ITPK1: variants seen among roughly 807,000 people sequenced by gnomAD.
ITPK1 encodes inositol 1,3,4-trisphosphate 5/6-kinase.
ITPK1 carries 21 observed loss-of-function variants against 45.3 expected under a neutral mutation model. The observed-to-expected ratio is 0.46, with a 90% CI of 0.33 to 0.67. The LOEUF (loss-of-function observed/expected upper bound fraction) is 0.67, where lower values mean the gene tolerates loss of function less well. ITPK1 is among the 30% of genes least tolerant of loss of function. The pLI is 0.02. For missense variants in ITPK1, 474 were observed against 573.5 expected (o/e 0.83, Z 1.77); for synonymous variants, 258 against 253.6 (o/e 1.02, Z -0.16).
intron 5 of ITPK1, among the ~76,000 whole-genome samples, chr14:92,975,717 C>T (rs1313825978): frequency 3.9e-5 from 6 of 152,220 alleles, no homozygotes; most frequent in Admixed American, 3.9e-4. Context: ...CTTGGCCTCC[C>T]TGTTCAAGCT....
chr14:93,087,051 C>T (rs552949311), intron 2 of ITPK1, among the ~76,000 whole-genome samples: 2 of 152,350 alleles, frequency 1.3e-5, no homozygotes, highest in East Asian at 3.9e-4. Flanking sequence ...TAGGAGAAAA[C>T]TGTATTCACT....
At chr14:92,951,889 C>T (rs1278813050) in intron 9 of ITPK1, 57 bp downstream of exon 9, 4 of 1,396,332 alleles carry the variant, frequency 2.9e-6, no homozygotes, top group African/African-American at 2.9e-5. Context: ...CAGCAGCCCA[C>T]ACCTAGGCCC....
chr14:93,078,048 TATG>T (rs146685762), intron 2 of ITPK1, among the ~76,000 whole-genome samples: 1,577 of 152,250 alleles, frequency 0.01, 23 homozygotes, highest in African/African-American at 0.036. Context: ...CGTGCCCAAT[TATG>T]ATGCCCACCT....
rs1236054062 is a variant in ITPK1, at chr14:92,958,053, A to G, written c.670+148T>C. 1 of 756,536 alleles carries G rather than the reference A, an allele frequency of 1.3e-6. No homozygotes were observed. Among genetic ancestry groups the G allele is most frequent in the East Asian group, 2.6e-5 (1 of 39,034 alleles). 46.9% of individuals were successfully genotyped at this position (756,536 alleles called of 1,614,324 possible). On this transcript the variant is annotated intron_variant, in intron 8 of 10. Transcript: ENST00000267615. This position sits in a 1 kb window ranked among gnomAD's most constrained non-coding sequence, Gnocchi z 4.4. ...TCCCCAAGACCTCTTTATCCACCGT[A>G]CACAACTGTTTCCACCTTTAGAGCA...
intron 2 of ITPK1, among the ~76,000 whole-genome samples, chr14:93,085,464 C>T (rs563039207): frequency 2.5e-4 from 38 of 152,302 alleles, no homozygotes; most frequent in Non-Finnish European, 5.0e-4. Flanking sequence ...AGACCCAGAA[C>T]AGCTTCCAGG....
At chr14:93,111,380 C>T (rs1163206392) in intron 2 of ITPK1, among the ~76,000 whole-genome samples, 2 of 152,116 alleles carry the variant, frequency 1.3e-5, no homozygotes, top group Non-Finnish European at 2.9e-5. Context: ...CAACTAACAG[C>T]TTTAATTTCT....
In ITPK1 at chr14:93,093,965, C is replaced by A. The variant is rs964114126; in HGVS notation, c.96-17346G>T. Among the ~76,000 whole-genome samples, 4 of 152,368 alleles carry A rather than the reference C, an allele frequency of 2.6e-5. 1 individual carries two copies. The highest frequency in any genetic ancestry group is 2.6e-4 in the Admixed American group (4 of 15,304). On this transcript the variant is annotated intron_variant, in intron 2 of 10. Coordinates refer to ENST00000267615, the MANE Select transcript of ITPK1 (RefSeq NM_014216.6). ...AACCCGGCCTCAAAGGGATCCTCAC[C>A]CCGATTGCCAAGCTCCAGGTGGACT...
chr14:93,019,273 T>A (rs1370311608), intron 3 of ITPK1, among the ~76,000 whole-genome samples: 1 of 152,180 alleles, frequency 6.6e-6, no homozygotes, highest in Admixed American at 6.5e-5. Context: ...TTTCCCTGCC[T>A]GGGAGAAACT....
chr14:93,092,490 G>A (rs1891902259), intron 2 of ITPK1, among the ~76,000 whole-genome samples: 2 of 152,236 alleles, frequency 1.3e-5, no homozygotes, highest in Admixed American at 1.3e-4. Context: ...CTGACCCACT[G>A]CCTGGAAACA....
rs552715768 is a variant in ITPK1, at chr14:92,937,624, T to C, written c.*3937A>G. On this transcript the variant is annotated 3_prime_UTR_variant, in exon 11 of 11. Coordinates refer to ENST00000267615, the MANE Select transcript of ITPK1 (RefSeq NM_014216.6). ...CACTCCAAACCACACTGACAATGGCTGTGCAGAGAGAAGGTACACAGCACA... is the reference window on the plus strand; with the variant it reads ...CACTCCAAACCACACTGACAATGGCCGTGCAGAGAGAAGGTACACAGCACA... The C allele has an allele frequency of 1.3e-5, 2 of 152,364 alleles. No homozygotes were observed. Among genetic ancestry groups the C allele is most frequent in the Non-Finnish European group, 2.9e-5 (2 of 68,142 alleles). The allele number at this position is 152,364 out of a possible 1,614,324, so 9.4% of individuals were successfully genotyped here. A position where few individuals can be genotyped will look rare whatever the true frequency, so the allele number is the denominator to read the frequency against.
At chr14:93,038,686 C>T (rs2139906037) in intron 3 of ITPK1, among the ~76,000 whole-genome samples, 1 of 152,260 alleles carries the variant, frequency 6.6e-6, no homozygotes, top group South Asian at 2.1e-4. Context: ...TGCCACCACA[C>T]CCGGCTAATT....
At chr14:93,045,922 C>T (rs974651511) in intron 3 of ITPK1, among the ~76,000 whole-genome samples, 2 of 152,184 alleles carry the variant, frequency 1.3e-5, no homozygotes, top group African/African-American at 4.8e-5. Flanking sequence ...CAAATGAGGA[C>T]CCACGTTGCC....
intron 3 of ITPK1, among the ~76,000 whole-genome samples, chr14:93,026,613 C>G (rs573320541): frequency 6.5e-4 from 99 of 152,304 alleles, no homozygotes; most frequent in Middle Eastern, 3.4e-3. Context: ...AGTCTCACTT[C>G]CAGGAGCTGA....
Position 92,937,975 on chromosome 14 carries a change from G to A in ITPK1, c.*3586C>T. 6.4e-6 allele frequency: 1 copy of A among 156,900 alleles called. No homozygotes were observed. The allele number at this position is 156,900 out of a possible 1,614,324, so 9.7% of individuals were successfully genotyped here. ...TCAGAGTTTGTTTGTTTGTTTGTTTGTTTTTTGAGGAGTCTTGCTCTGTTG... is the reference window on the plus strand; with the variant it reads ...TCAGAGTTTGTTTGTTTGTTTGTTTATTTTTTGAGGAGTCTTGCTCTGTTG... On this transcript the variant is annotated 3_prime_UTR_variant, in exon 11 of 11. Coordinates refer to ENST00000267615, the MANE Select transcript of ITPK1 (RefSeq NM_014216.6).
Position 93,012,601 on chromosome 14 carries a change from G to A in ITPK1, c.246+4075C>T, listed in dbSNP as rs568271360. Among the ~76,000 whole-genome samples the A allele has an allele frequency of 1.3e-4, 20 of 152,164 alleles. No homozygotes were observed. The highest frequency in any genetic ancestry group is 4.8e-4 in the African/African-American group (20 of 41,440). On this transcript the variant is annotated intron_variant, in intron 4 of 10. Coordinates refer to ENST00000267615, the MANE Select transcript of ITPK1 (RefSeq NM_014216.6). The surrounding 1 kb of genome is among the most constrained non-coding windows in gnomAD (Gnocchi z 4.9). ...TTCCTAACTCATCACTTTAGGGGCC[G>A]TGAGGTCAGTTCTGGGTCTGCCTGC...
chr14:92,952,139 C>G, intron 8 of ITPK1, 126 bp from the exon 9 acceptor site: 2 of 752,712 alleles, frequency 2.7e-6, no homozygotes, highest in East Asian at 5.4e-5. Context: ...CTGCAGAGCC[C>G]TGGGCTCCAG....
At chr14:93,022,543 C>G (rs1888523441) in intron 3 of ITPK1, among the ~76,000 whole-genome samples, 1 of 149,488 alleles carries the variant, frequency 6.7e-6, no homozygotes, top group African/African-American at 2.5e-5. Context: ...GAGACAGTCT[C>G]GGTCTACCGT....
chr14:92,968,905 C>T lies in ITPK1; in HGVS notation c.365-6056G>A, dbSNP rs1453365240. On this transcript the variant is annotated intron_variant, in intron 5 of 10. Transcript: ENST00000267615. ...TCGTATTCCAAGCTTGGGCACCAGC[C>T]TTTGCTGAAGGCAGTCTTGAGCCCA... Among the ~76,000 whole-genome samples, 3 of 152,182 alleles carry T rather than the reference C, an allele frequency of 2.0e-5. No homozygotes were observed. The East Asian group carries it at 5.8e-4, about 29-fold the overall frequency.
intron 2 of ITPK1, among the ~76,000 whole-genome samples, chr14:93,098,110 G>A (rs959463621): frequency 5.9e-5 from 9 of 152,144 alleles, no homozygotes; most frequent in Admixed American, 4.6e-4. Flanking sequence ...CTTGAGGTCA[G>A]GAGTTTGAGA....
Sources: allele counts gnomAD v4.1 joint callset (sites outside exome capture counted in the v4.1 genomes callset), GRCh38; gene constraint gnomAD v4.1.1; non-coding constraint Gnocchi (gnomAD v3.1); transcripts MANE v1.5; gene names NCBI Gene and HGNC (gene_info 2026-07-23, HGNC 2026-07-21).